Variants in KDM4C observed in about 807,000 individuals in gnomAD.
KDM4C encodes lysine-specific demethylase 4C.
KDM4C carries 81 observed loss-of-function variants against 129.3 expected under a neutral mutation model. The observed-to-expected ratio is 0.63, with a 90% CI of 0.52 to 0.75. The LOEUF is 0.75. KDM4C is among the 30% of genes least tolerant of loss of function. KDM4C has a pLI of 0.00. For synonymous variants in KDM4C, 573 were observed against 456.1 expected (o/e 1.26, Z -3.26); for missense variants, 1,457 against 1,304.0 (o/e 1.12, Z -1.81).
intron 3 of KDM4C, among the ~76,000 whole-genome samples, chr9:6,809,039 C>T (rs1244534878): frequency 6.6e-6 from 1 of 152,120 alleles, no homozygotes; most frequent in Non-Finnish European, 1.5e-5. Flanking sequence ...ATTTAGGTAT[C>T]TTCCTTTAAA....
chr9:6,937,767 A>T (rs889123951), intron 8 of KDM4C, among the ~76,000 whole-genome samples: 7 of 152,096 alleles, frequency 4.6e-5, no homozygotes, highest in Admixed American at 4.6e-4. Context: ...GCTGGAGTGC[A>T]GTGGCATGAT....
intron 5 of KDM4C, among the ~76,000 whole-genome samples, chr9:6,872,537 A>T (rs994366737): frequency 6.6e-6 from 1 of 152,202 alleles, no homozygotes; most frequent in African/African-American, 2.4e-5. Context: ...AACTTGCCTT[A>T]TGAATCCAGG....
intron 12 of KDM4C, among the ~76,000 whole-genome samples, chr9:7,009,830 C>G (rs1259824606): frequency 1.3e-5 from 2 of 152,148 alleles, no homozygotes; most frequent in Admixed American, 6.5e-5. Context: ...TTTGACTCTA[C>G]TTACATGCAA....
rs146928773 is a variant in KDM4C, at chr9:6,934,885, CT to C, written c.921+41664del. Among the ~76,000 whole-genome samples the C allele has an allele frequency of 1.6e-3, 239 of 148,422 alleles. 1 individual carries two copies. Among genetic ancestry groups the C allele is most frequent in the African/African-American group, 4.3e-3 (174 of 40,404 alleles). On this transcript the variant is annotated intron_variant, in intron 8 of 21. Coordinates refer to ENST00000381309, the MANE Select transcript of KDM4C (RefSeq NM_015061.6). ...TATTCAGGATTAAAAAATAATATTT[CT>C]TTTTTTTTTTAAATTAGGTATACCA...
rs4537355 is a variant in KDM4C at position 6,963,469 on chromosome 9, G to C, written c.922-17456G>C. ...TAATTATGACCAGTAGTATCGTGCC[G>C]CATATTCATGGCATTGAGTTGTTTG... On this transcript the variant is annotated intron_variant, in intron 8 of 21. Coordinates refer to ENST00000381309, the MANE Select transcript of KDM4C (RefSeq NM_015061.6). Among the ~76,000 whole-genome samples, 3 of 151,982 alleles carry C rather than the reference G, an allele frequency of 2.0e-5. No homozygotes were observed. The East Asian group carries it at 5.8e-4, about 29-fold the overall frequency.
chr9:6,958,392 C>G (rs913062326), intron 8 of KDM4C, among the ~76,000 whole-genome samples: 11 of 152,056 alleles, frequency 7.2e-5, no homozygotes, highest in African/African-American at 2.2e-4. Flanking sequence ...CGAGACCAGC[C>G]TGACCAACAT....
At chr9:7,020,306 A>G (rs1824559838) in intron 15 of KDM4C, among the ~76,000 whole-genome samples, 1 of 152,244 alleles carries the variant, frequency 6.6e-6, no homozygotes, top group Non-Finnish European at 1.5e-5. Context: ...CCTTGGATAC[A>G]GTTTATATAT....
At chr9:7,037,198 T>G (rs983160701) in intron 15 of KDM4C, among the ~76,000 whole-genome samples, 1 of 152,210 alleles carries the variant, frequency 6.6e-6, no homozygotes, top group Non-Finnish European at 1.5e-5. Context: ...GTTTCTGTTA[T>G]GAACGTGTCA....
chr9:7,138,196 G>T (rs1023939215), intron 19 of KDM4C, among the ~76,000 whole-genome samples: 3 of 152,178 alleles, frequency 2.0e-5, no homozygotes, highest in African/African-American at 7.2e-5. Context: ...CTTCCCTACA[G>T]AGAGTGTTCT....
chr9:7,117,118 A>ATGTT (rs1838987780), intron 18 of KDM4C, among the ~76,000 whole-genome samples: 1 of 152,162 alleles, frequency 6.6e-6, no homozygotes, highest in Non-Finnish European at 1.5e-5. Flanking sequence ...AAGTTATAGA[A>ATGTT]CATTCAGGTT....
chr9:6,723,304 G>C (rs1817017464), intron 1 of KDM4C, among the ~76,000 whole-genome samples: 1 of 152,120 alleles, frequency 6.6e-6, no homozygotes, highest in Non-Finnish European at 1.5e-5. Context: ...GAACCTGGGA[G>C]GCGGAGGTTG....
At chr9:7,064,553 C>T (rs1449516911) in intron 17 of KDM4C, among the ~76,000 whole-genome samples, 1 of 152,130 alleles carries the variant, frequency 6.6e-6, no homozygotes, top group Non-Finnish European at 1.5e-5. Context: ...TGGAGCACGA[C>T]AGAATAAAGC....
At chr9:6,834,492 G>A (rs767349591) in intron 4 of KDM4C, 7 of 620,938 alleles carry the variant, frequency 1.1e-5, no homozygotes, top group African/African-American at 3.6e-5. Flanking sequence ...CGTCGACAAC[G>A]GCTCCGGCAT....
chr9:6,734,871 C>A, intron 1 of KDM4C: 1 of 546,452 alleles, frequency 1.8e-6, no homozygotes, highest in Non-Finnish European at 3.6e-6. Flanking sequence ...GTTTCTTGCA[C>A]CAATAAGAGA....
At position 6,874,176 on chromosome 9, in the gene KDM4C, A is replaced by G. The variant is rs545540430; in HGVS notation, c.630-5836A>G. Reference sequence around the variant, plus strand: ...TGACACACACATTCAAAGCGAGCACATGCTGTTGGAAAAATGCCACAGATA... The same window carrying G: ...TGACACACACATTCAAAGCGAGCACGTGCTGTTGGAAAAATGCCACAGATA... On this transcript the variant is annotated intron_variant, in intron 5 of 21. Coordinates refer to ENST00000381309, the MANE Select transcript of KDM4C (RefSeq NM_015061.6). 1.3e-5 allele frequency among the ~76,000 whole-genome samples: 2 copies of G among 152,226 alleles called. 1 individual carries two copies. The highest frequency in any genetic ancestry group is 2.9e-5 in the Non-Finnish European group (2 of 68,044).
chr9:6,837,456 C>A (rs889286038), intron 4 of KDM4C, among the ~76,000 whole-genome samples: 2 of 152,180 alleles, frequency 1.3e-5, no homozygotes, highest in African/African-American at 4.8e-5. Flanking sequence ...GCAGCCATCA[C>A]CAGTCTAGTC....
chr9:7,073,183 C>G (rs1470019685), intron 17 of KDM4C, among the ~76,000 whole-genome samples: 1 of 152,162 alleles, frequency 6.6e-6, no homozygotes, highest in Non-Finnish European at 1.5e-5. Flanking sequence ...ATAGATCTAC[C>G]TCCATTTAGA....
At chr9:6,771,080 CTTTTTTTTT>C (rs35945405) in intron 1 of KDM4C, among the ~76,000 whole-genome samples, 24 of 56,970 alleles carry the variant, frequency 4.2e-4, no homozygotes, top group African/African-American at 8.3e-4. Context: ...GACTGTGAAT[CTTTTTTTTT>C]TTTTTTTTTT....
chr9:6,910,988 GCTTA>G (rs1819192773), intron 8 of KDM4C, among the ~76,000 whole-genome samples: 2 of 152,054 alleles, frequency 1.3e-5, no homozygotes, highest in East Asian at 1.9e-4. Context: ...TAGTTTGAAT[GCTTA>G]CTTGTATTAC....
Sources: gnomAD v4.1 joint callset for allele counts (sites outside exome capture counted in the v4.1 genomes callset) on GRCh38, gnomAD v4.1.1 for gene constraint, MANE v1.5 for transcripts, NCBI Gene and HGNC (gene_info 2026-07-23, HGNC 2026-07-21) for gene names.